Variants in CMTM8 observed in about 807,000 individuals in gnomAD.
CMTM8 encodes CKLF like MARVEL transmembrane domain containing 8.
CMTM8 carries 12 observed loss-of-function variants against 18.6 expected under a neutral mutation model. That is an observed-to-expected ratio of 0.65 (90% CI 0.41 to 1.05). The LOEUF is 1.05. Ranked by LOEUF, CMTM8 falls within the 50% of genes least tolerant of loss-of-function variation. The pLI, the probability that CMTM8 is intolerant of heterozygous loss-of-function variation, is 0.00. For synonymous variants in CMTM8, 87 were observed against 90.6 expected (o/e 0.96, Z 0.23); for missense variants, 217 against 227.2 (o/e 0.95, Z 0.29).
At chr3:32,238,434 G>C (rs1306137985), upstream of CMTM8, 3 of 152,434 alleles carry the variant, frequency 2.0e-5, no homozygotes, top group East Asian at 5.8e-4. Flanking sequence ...TGGGCCAGGC[G>C]GGGCCTGACA....
intron 1 of CMTM8, among the ~76,000 whole-genome samples, chr3:32,293,905 A>G (rs1300285550): frequency 6.6e-6 from 1 of 152,128 alleles, no homozygotes; most frequent in Non-Finnish European, 1.5e-5. Flanking sequence ...TTCTTTGTGC[A>G]GGTGTATCTG....
At chr3:32,252,306 A>G (rs907815281) in intron 1 of CMTM8, among the ~76,000 whole-genome samples, 2 of 152,102 alleles carry the variant, frequency 1.3e-5, no homozygotes, top group Non-Finnish European at 2.9e-5. Flanking sequence ...GTTATCATGT[A>G]TTTTAATATT....
chr3:32,344,026 A>C (rs1696549570), intron 1 of CMTM8, among the ~76,000 whole-genome samples: 2 of 152,106 alleles, frequency 1.3e-5, no homozygotes, highest in African/African-American at 2.4e-5. Context: ...TGAATGAATG[A>C]ATGTTGCCAC....
At chr3:32,295,379 C>T (rs1391288987) in intron 1 of CMTM8, among the ~76,000 whole-genome samples, 2 of 139,968 alleles carry the variant, frequency 1.4e-5, no homozygotes, top group African/African-American at 5.3e-5. Context: ...TTGTTTGAAT[C>T]CAGGAGGCGG....
At chr3:32,364,424 A>C (rs891955469) in intron 2 of CMTM8, among the ~76,000 whole-genome samples, 7 of 152,166 alleles carry the variant, frequency 4.6e-5, no homozygotes, top group Admixed American at 3.3e-4. Flanking sequence ...GAATCGCTTG[A>C]ACCTGAGAGG....
chr3:32,283,130 A>G (rs986380741), intron 1 of CMTM8, among the ~76,000 whole-genome samples: 1 of 152,240 alleles, frequency 6.6e-6, no homozygotes, highest in Admixed American at 6.5e-5. Context: ...AAATGTTGAA[A>G]GAAAAATAGT....
At chr3:32,270,539 C>T (rs1315123159) in intron 1 of CMTM8, among the ~76,000 whole-genome samples, 1 of 152,158 alleles carries the variant, frequency 6.6e-6, no homozygotes, top group Admixed American at 6.5e-5. Flanking sequence ...ACTATGCAGC[C>T]ATAAAAAATG....
chr3:32,291,132 ATT>A (rs1055611599), intron 1 of CMTM8, among the ~76,000 whole-genome samples: 3 of 145,698 alleles, frequency 2.1e-5, no homozygotes, highest in African/African-American at 2.5e-5. Context: ...TAGAGAAGAA[ATT>A]TTTTTTTTTT....
At chr3:32,338,100 T>G (rs916015684) in intron 1 of CMTM8, among the ~76,000 whole-genome samples, 13 of 151,528 alleles carry the variant, frequency 8.6e-5, no homozygotes, top group Non-Finnish European at 1.6e-4. Flanking sequence ...TCTCCTGCCT[T>G]AGCCTCCTGA....
chr3:32,328,526 G>A (rs554851667), intron 1 of CMTM8, among the ~76,000 whole-genome samples: 38 of 148,502 alleles, frequency 2.6e-4, no homozygotes, highest in Non-Finnish European at 4.6e-4. Flanking sequence ...CTCCAGCCTT[G>A]GCAACAGAGC....
In CMTM8 at chr3:32,328,788, A is replaced by G. The variant is rs1030517309; in HGVS notation, c.148-28585A>G. Among the ~76,000 whole-genome samples, 18 of 152,308 alleles carry G rather than the reference A, an allele frequency of 1.2e-4. 1 individual carries two copies. The highest frequency in any genetic ancestry group is 1.0e-3 in the Admixed American group (16 of 15,306). On this transcript the variant is annotated intron_variant, in intron 1 of 3. Coordinates refer to ENST00000307526, the MANE Select transcript of CMTM8 (RefSeq NM_178868.5). ...ACCTACGACCTACCAAGACTGAATCATGAAAAATCTGAACAGACCCATAAC... is the reference window on the plus strand; with the variant it reads ...ACCTACGACCTACCAAGACTGAATCGTGAAAAATCTGAACAGACCCATAAC...
At chr3:32,332,038 G>GCA (rs3060733) in intron 1 of CMTM8, among the ~76,000 whole-genome samples, 1,696 of 150,420 alleles carry the variant, frequency 0.011, 31 homozygotes, top group African/African-American at 0.034. Context: ...GACCACACGC[G>GCA]CACACACACA....
chr3:32,331,399 C>T (rs1401325080), intron 1 of CMTM8, among the ~76,000 whole-genome samples: 2 of 152,026 alleles, frequency 1.3e-5, no homozygotes, highest in Admixed American at 6.6e-5. Flanking sequence ...CTCTGGAAAA[C>T]AGTACGGGGG....
intron 1 of CMTM8, among the ~76,000 whole-genome samples, chr3:32,344,643 C>T (rs1696560092): frequency 6.6e-6 from 1 of 152,106 alleles, no homozygotes; most frequent in South Asian, 2.1e-4. Context: ...ACCAGTAATC[C>T]CAGCACTTTG....
At chr3:32,285,816 C>G (rs1702671721) in intron 1 of CMTM8, among the ~76,000 whole-genome samples, 1 of 152,188 alleles carries the variant, frequency 6.6e-6, no homozygotes, top group South Asian at 2.1e-4. Flanking sequence ...CCTATTTGCT[C>G]TGTGCCTTTC....
chr3:32,286,796 T>C (rs1407455761), intron 1 of CMTM8, among the ~76,000 whole-genome samples: 1 of 152,230 alleles, frequency 6.6e-6, no homozygotes, highest in Non-Finnish European at 1.5e-5. Flanking sequence ...AACTCATGTT[T>C]TAAGAAAGCT....
rs1230354598 is a variant in CMTM8 at position 32,295,467 on chromosome 3, AAAAAAAAAAAACAAAAC to A, written c.147+56353_147+56369del. 9.5e-4 allele frequency among the ~76,000 whole-genome samples: 134 copies of A among 141,532 alleles called. 4 individuals are homozygous for A. The highest frequency in any genetic ancestry group is 3.5e-3 in the African/African-American group (126 of 35,790). 92.9% of individuals were successfully genotyped at this position (141,532 alleles called of 152,430 possible). A position where few individuals can be genotyped will look rare whatever the true frequency, so the allele number is the denominator to read the frequency against. Reference sequence around the variant, plus strand: ...CGAGACTCCATCTCAAAAAAAAAAAAAAAAAAAAAAACAAAACAAAACAGCGGAAAGAGAAAATCCCT... The same window carrying A: ...CGAGACTCCATCTCAAAAAAAAAAAAAAAACAGCGGAAAGAGAAAATCCCT... On this transcript the variant is annotated intron_variant, in intron 1 of 3. Transcript: ENST00000307526.
At chr3:32,354,224 C>A (rs6798805) in intron 1 of CMTM8, among the ~76,000 whole-genome samples, 149,419 of 152,242 alleles carry the variant, frequency 0.98, 73,374 homozygotes, top group Middle Eastern at 1. Flanking sequence ...TAAGCAAATA[C>A]AGATTCAGGT....
At chr3:32,249,493 G>A (rs1165207075) in intron 1 of CMTM8, among the ~76,000 whole-genome samples, 2 of 151,428 alleles carry the variant, frequency 1.3e-5, no homozygotes, top group Non-Finnish European at 2.9e-5. Context: ...GGACCGTACT[G>A]CTTTACAATC....
Sources: gnomAD v4.1 joint callset for allele counts (sites outside exome capture counted in the v4.1 genomes callset) on GRCh38, gnomAD v4.1.1 for gene constraint, MANE v1.5 for transcripts, NCBI Gene and HGNC (gene_info 2026-07-23, HGNC 2026-07-21) for gene names.